Variants in SLC47A2 observed in about 807,000 individuals in gnomAD.
The protein encoded by SLC47A2 is multidrug and toxin extrusion protein 2.
In SLC47A2, 52 loss-of-function variants were observed where a neutral mutation model predicts 67.7. The ratio of observed to expected loss-of-function variants is 0.77; its 90% CI spans 0.61 to 0.97. SLC47A2 has a LOEUF of 0.97. SLC47A2 is among the 50% of genes least tolerant of loss of function. SLC47A2 has a pLI of 0.00. For missense variants in SLC47A2, 676 were observed against 712.3 expected (o/e 0.95, Z 0.58); for synonymous variants, 278 against 292.9 (o/e 0.95, Z 0.52).
At chr17:19,684,063 C>T (rs1380539271) in intron 13 of SLC47A2, among the ~76,000 whole-genome samples, 1 of 152,114 alleles carries the variant, frequency 6.6e-6, no homozygotes, top group Non-Finnish European at 1.5e-5. Context: ...CAAAACAAAT[C>T]TCAATAAACT....
intron 10 of SLC47A2, 180 bp downstream of exon 10, chr17:19,705,256 G>A (rs1323497021): frequency 5.7e-6 from 3 of 525,294 alleles, no homozygotes; most frequent in African/African-American, 4.0e-5. Context: ...TCAGGTTGTG[G>A]GCACCTGTGT....
chr17:19,698,614 C>T lies in SLC47A2; in HGVS notation c.1164+3991G>A, dbSNP rs184776674. 4.5e-4 allele frequency among the ~76,000 whole-genome samples: 69 copies of T among 152,224 alleles called. 1 individual carries two copies. Among genetic ancestry groups the T allele is most frequent in the Admixed American group, 3.9e-3 (59 of 15,274 alleles). Reference sequence around the variant, plus strand: ...GAGGACCTCCTTTGCCTCAGCCTCCCAAAGTCCAGGGATTACAAGCATGAG... The same window carrying T: ...GAGGACCTCCTTTGCCTCAGCCTCCTAAAGTCCAGGGATTACAAGCATGAG... On this transcript the variant is annotated intron_variant, in intron 13 of 16. Coordinates refer to ENST00000433844, the MANE Select transcript of SLC47A2 (RefSeq NM_001099646.3).
Position 19,703,084 on chromosome 17 carries a change from T to C in SLC47A2, c.1094+8A>G. On this transcript the variant is annotated splice_region_variant and intron_variant, in intron 12 of 16. Transcript: ENST00000433844. ...TCCAAGAGTCAGCACAGAAAACTGA[T>C]TACCTACTCATCATTGGTAAAAATA... The C allele has an allele frequency of 6.2e-7, 1 of 1,613,462 alleles. No individual in the cohort carries two copies. The highest frequency in any genetic ancestry group is 8.5e-7 in the Non-Finnish European group (1 of 1,179,434).
intron 16 of SLC47A2, 45 bp downstream of exon 16, chr17:19,679,907 A>G (rs1462152998): frequency 6.3e-7 from 1 of 1,575,366 alleles, no homozygotes; most frequent in African/African-American, 1.4e-5. Flanking sequence ...CATGCCACTG[A>G]CATTTATATG....
At chr17:19,696,417 G>A (rs1055121860) in intron 13 of SLC47A2, among the ~76,000 whole-genome samples, 3 of 147,538 alleles carry the variant, frequency 2.0e-5, no homozygotes, top group African/African-American at 5.0e-5. Flanking sequence ...AGGCCAGATT[G>A]CAGTACTGCA....
chr17:19,714,523 G>A, intron 3 of SLC47A2, 198 bp downstream of exon 3: 1 of 659,714 alleles, frequency 1.5e-6, no homozygotes, highest in Non-Finnish European at 2.7e-6. Context: ...CTTTCTCCTG[G>A]CCCAGACTCT....
chr17:19,699,504 C>T (rs1169057398), intron 13 of SLC47A2, among the ~76,000 whole-genome samples: 1 of 152,062 alleles, frequency 6.6e-6, no homozygotes, highest in Non-Finnish European at 1.5e-5. Flanking sequence ...CCTCAGCCTC[C>T]CAAGTAGCGA....
chr17:19,713,989 C>G lies in SLC47A2; in HGVS notation c.295-16G>C. 5.6e-6 allele frequency: 9 copies of G among 1,607,304 alleles called. No homozygotes were observed. The highest frequency in any genetic ancestry group is 2.2e-5 in the South Asian group (2 of 90,620). The stretch of plus-strand genomic sequence containing the variant: ...TGCCGAAGCTCTGCAAAACAGCCCG[C>G]CCCGCGTCAGCCGTTTCCACTGCCC... On this transcript the variant is annotated splice_polypyrimidine_tract_variant and intron_variant, in intron 3 of 16. Coordinates refer to ENST00000433844, the MANE Select transcript of SLC47A2 (RefSeq NM_001099646.3).
intron 13 of SLC47A2, among the ~76,000 whole-genome samples, chr17:19,682,356 CACACACACAA>C (rs1411477751): frequency 6.6e-6 from 1 of 151,112 alleles, no homozygotes; most frequent in Non-Finnish European, 1.5e-5. Flanking sequence ...CACACACACA[CACACACACAA>C]ATTTATTATT....
At chr17:19,704,722 C>A in intron 10 of SLC47A2, 1 of 1,541,472 alleles carries the variant, frequency 6.5e-7, no homozygotes, top group Non-Finnish European at 8.8e-7. Context: ...GAGGTGGGGG[C>A]TGTGGTGGAG....
chr17:19,686,087 C>A (rs1244346172), intron 13 of SLC47A2, among the ~76,000 whole-genome samples: 5 of 152,058 alleles, frequency 3.3e-5, no homozygotes, highest in Non-Finnish European at 5.9e-5. Context: ...CATGGTGAAA[C>A]CCTGTCTTTA....
chr17:19,710,077 T>C (rs938557100), intron 5 of SLC47A2, among the ~76,000 whole-genome samples: 12 of 152,196 alleles, frequency 7.9e-5, no homozygotes, highest in Non-Finnish European at 1.5e-4. Flanking sequence ...CCCTGACCTC[T>C]TCCCTGCCCA....
At position 19,715,692 on chromosome 17, in the gene SLC47A2, GTTTTGTTTT is replaced by G. The variant is rs1160075350; in HGVS notation, c.124-484_124-476del. 8.1e-5 allele frequency: 7 copies of G among 86,692 alleles called. No homozygotes were observed. In the East Asian group the frequency reaches 1.5e-3, roughly 18 times the overall value. 5.4% of individuals were successfully genotyped at this position (86,692 alleles called of 1,614,324 possible). On this transcript the variant is annotated intron_variant, in intron 1 of 16. Transcript: ENST00000433844. ...AGTGCAATTCCATTACTCCTTTTTG[GTTTTGTTTT>G]TTTTGTTTTTTTTTTTTTTTTTGAG...
At chr17:19,683,922 G>A (rs1237520985) in intron 13 of SLC47A2, among the ~76,000 whole-genome samples, 1 of 152,172 alleles carries the variant, frequency 6.6e-6, no homozygotes, top group African/African-American at 2.4e-5. Flanking sequence ...CTGAGCAAGA[G>A]ACATCAGCAG....
intron 13 of SLC47A2, among the ~76,000 whole-genome samples, chr17:19,698,191 C>T (rs1269375264): frequency 1.3e-5 from 2 of 152,100 alleles, no homozygotes; most frequent in East Asian, 1.9e-4. Context: ...TACCCAATTT[C>T]GAGAATTACT....
chr17:19,695,880 C>T (rs1441507954), intron 13 of SLC47A2, among the ~76,000 whole-genome samples: 1 of 151,734 alleles, frequency 6.6e-6, no homozygotes, highest in East Asian at 1.9e-4. Flanking sequence ...TGTGCCATCA[C>T]GCCCAGCTAA....
chr17:19,714,447 C>T, intron 3 of SLC47A2: 2 of 544,898 alleles, frequency 3.7e-6, no homozygotes, highest in African/African-American at 1.9e-5. Context: ...AACCGGTTGT[C>T]TTTCTCTACT....
Position 19,685,385 on chromosome 17 carries a change from G to A in SLC47A2, c.1165-3715C>T, listed in dbSNP as rs915372083. On this transcript the variant is annotated intron_variant, in intron 13 of 16. Coordinates refer to ENST00000433844, the MANE Select transcript of SLC47A2 (RefSeq NM_001099646.3). The surrounding 1 kb of genome is among the most constrained non-coding windows in gnomAD (Gnocchi z 4.5). The stretch of plus-strand genomic sequence containing the variant: ...CGCGCCTCTGCCTGGCTGCCACCAC[G>A]TCTAGGAAGTGAGGAGCGTCTCTGC... 7.3e-5 allele frequency among the ~76,000 whole-genome samples: 11 copies of A among 150,858 alleles called. No homozygotes were observed. Among genetic ancestry groups the A allele is most frequent in the Middle Eastern group, 3.4e-3 (1 of 294 alleles).
chr17:19,704,789 G>A, intron 10 of SLC47A2: 3 of 991,220 alleles, frequency 3.0e-6, no homozygotes, highest in South Asian at 1.8e-5. Context: ...ACTGCAGTGT[G>A]CAGGAATGTG....
Sources: gnomAD v4.1 joint callset for allele counts (sites outside exome capture counted in the v4.1 genomes callset) on GRCh38, gnomAD v4.1.1 for gene constraint, Gnocchi (gnomAD v3.1) non-coding constraint, MANE v1.5 for transcripts, NCBI Gene and HGNC (gene_info 2026-07-23, HGNC 2026-07-21) for gene names.